The following SHANK2 variants were observed in gnomAD, a reference collection of about 807,000 sequenced individuals.
SHANK2 encodes SH3 and multiple ankyrin repeat domains protein 2.
In SHANK2, 43 loss-of-function variants were observed where a neutral mutation model predicts 133.7. The ratio of observed to expected loss-of-function variants is 0.32; its 90% CI spans 0.25 to 0.41. The LOEUF is 0.41. Among genes scored for constraint, SHANK2 ranks in the 10% least tolerant of loss-of-function variants. SHANK2 has a pLI of 1.00. For missense variants in SHANK2, 1,994 were observed against 2,235.8 expected (o/e 0.89, Z 2.18); for synonymous variants, 1,017 against 952.8 (o/e 1.07, Z -1.24).
intron 17 of SHANK2, among the ~76,000 whole-genome samples, chr11:70,649,593 A>G (rs1039743727): frequency 7.2e-5 from 11 of 152,034 alleles, no homozygotes; most frequent in Non-Finnish European, 1.5e-4. Flanking sequence ...ATCAGTACTA[A>G]CAAGAGCCTG....
Position 70,473,681 on chromosome 11 carries a change from AG to A in SHANK2, c.4980-243del. On this transcript the variant is annotated intron_variant, in intron 25 of 25. Coordinates refer to ENST00000601538, the MANE Select transcript of SHANK2 (RefSeq NM_012309.5). The surrounding 1 kb of genome is among the most constrained non-coding windows in gnomAD (Gnocchi z 5.9). ...AGCCCACTCACCTGAACTGGGACAG[AG>A]GGGCTGGGGGACCTGCCTGTGCTGG... The A allele has an allele frequency of 3.4e-6, 2 of 583,894 alleles. No homozygotes were observed. Among genetic ancestry groups the A allele is most frequent in the Non-Finnish European group, 6.3e-6 (2 of 315,236 alleles). 36.2% of individuals were successfully genotyped at this position (583,894 alleles called of 1,614,324 possible).
chr11:71,208,210 G>A (rs1237765970), intron 2 of SHANK2, among the ~76,000 whole-genome samples: 2 of 152,080 alleles, frequency 1.3e-5, no homozygotes, highest in Non-Finnish European at 2.9e-5. Context: ...TGCCCTGGAG[G>A]GGCATGAGCT....
chr11:70,636,307 ATG>A (rs1285153442), intron 17 of SHANK2, among the ~76,000 whole-genome samples: 1 of 151,880 alleles, frequency 6.6e-6, no homozygotes, highest in East Asian at 1.9e-4. Context: ...GTGTGAGCAG[ATG>A]TGTGAGCGTG....
chr11:70,742,653 G>T (rs567780281), intron 14 of SHANK2, among the ~76,000 whole-genome samples: 1 of 152,160 alleles, frequency 6.6e-6, no homozygotes, highest in East Asian at 1.9e-4. Flanking sequence ...GGCCCAGGAC[G>T]CGGAATGAAT....
At chr11:70,952,709 C>T in intron 10 of SHANK2, 2 of 405,338 alleles carry the variant, frequency 4.9e-6, no homozygotes, top group Non-Finnish European at 1.1e-5. Flanking sequence ...GGGCAGCACT[C>T]TGGGGGACGC....
chr11:71,108,652 T>C (rs1366504238), intron 6 of SHANK2, among the ~76,000 whole-genome samples: 1 of 152,202 alleles, frequency 6.6e-6, no homozygotes, highest in Non-Finnish European at 1.5e-5. Flanking sequence ...CTTCCCTGCC[T>C]CATGGAGGAT....
chr11:70,911,211 T>C (rs1480304470), intron 10 of SHANK2: 1 of 456,138 alleles, frequency 2.2e-6, no homozygotes, highest in Admixed American at 2.4e-5. Flanking sequence ...AGTTTTTTTG[T>C]TGTTGTTGTT....
At chr11:70,935,884 A>T (rs946488803) in intron 10 of SHANK2, among the ~76,000 whole-genome samples, 2 of 152,176 alleles carry the variant, frequency 1.3e-5, no homozygotes, top group Non-Finnish European at 2.9e-5. Flanking sequence ...GCAAAGGTGA[A>T]CCATTCCAGG....
chr11:70,647,970 C>A (rs145681280), intron 17 of SHANK2, among the ~76,000 whole-genome samples: 1 of 152,326 alleles, frequency 6.6e-6, no homozygotes, highest in African/African-American at 2.4e-5. Context: ...ACGTTTATGT[C>A]GACATTATTC....
chr11:70,839,073 C>T (rs1948865107), intron 11 of SHANK2, among the ~76,000 whole-genome samples: 1 of 152,246 alleles, frequency 6.6e-6, no homozygotes, highest in Non-Finnish European at 1.5e-5. Flanking sequence ...GTTAGTCTGA[C>T]ATGAGCTGCT....
At chr11:70,504,764 A>G (rs551725359) in intron 17 of SHANK2, among the ~76,000 whole-genome samples, 96 of 152,018 alleles carry the variant, frequency 6.3e-4, no homozygotes, top group Non-Finnish European at 1.2e-3. Context: ...TAGGAAGTAA[A>G]GGAGCCGGAT....
Position 70,760,060 on chromosome 11 carries a change from G to A in SHANK2, c.1777+38383C>T, listed in dbSNP as rs138052596. Among the ~76,000 whole-genome samples the A allele has an allele frequency of 1.8e-3, 280 of 152,290 alleles. 2 individuals are homozygous for A. Among genetic ancestry groups the A allele is most frequent in the Admixed American group, 0.013 (192 of 15,308 alleles). On this transcript the variant is annotated intron_variant, in intron 14 of 25. Transcript: ENST00000601538. ...GAGGCTGCTCACTGAGCGGCTTTAC[G>A]TTCCTGCTTCACCTTTTGACATACA...
intron 10 of SHANK2, among the ~76,000 whole-genome samples, chr11:70,925,015 T>A (rs1950407706): frequency 6.6e-6 from 1 of 152,072 alleles, no homozygotes; most frequent in South Asian, 2.1e-4. Flanking sequence ...CCAGCAGAGA[T>A]GCGCACTCTA....
chr11:70,504,526 T>G (rs2059109231), intron 17 of SHANK2, among the ~76,000 whole-genome samples: 1 of 152,190 alleles, frequency 6.6e-6, no homozygotes, highest in Non-Finnish European at 1.5e-5. Flanking sequence ...CTCATTCCCA[T>G]GTACTCAGAC....
intron 15 of SHANK2, among the ~76,000 whole-genome samples, chr11:70,691,804 G>A (rs1555021115): frequency 2.0e-5 from 3 of 152,168 alleles, no homozygotes. Context: ...TGAGGCAGGA[G>A]AATCACTTGA....
chr11:70,646,435 C>A (rs1480689560), intron 17 of SHANK2: 4 of 152,362 alleles, frequency 2.6e-5, no homozygotes, highest in African/African-American at 9.6e-5. Flanking sequence ...CTCCAAGGGC[C>A]ACCCTGCCAT....
In SHANK2 at chr11:70,472,895, C is replaced by A. The variant is rs1565516499; in HGVS notation, c.5524G>T (p.Ala1842Ser). The A allele has an allele frequency of 1.2e-6, 2 of 1,614,128 alleles. No individual in the cohort carries two copies. The highest frequency in any genetic ancestry group is 1.7e-6 in the Non-Finnish European group (2 of 1,180,052). ...TATCTGTCCAGCAGCTGTTTCAAAG[C>A]CCTTTCTATGTTCATTCTGTGCCCG... is the stretch of plus-strand genomic sequence containing the variant. ...RVGHRMNIER[A>S]LKQLLDR Residue 1842 changes from alanine to serine, a missense_variant, in exon 26 of 26, where the codon GCT becomes TCT. By Grantham distance (99) the Ala-to-Ser change is moderately conservative. This residue lies in a region of SHANK2 where 42 missense variants were observed against 79.9 expected (regional missense o/e 0.53). Transcript: ENST00000601538. This position sits in a 1 kb window ranked among gnomAD's most constrained non-coding sequence, Gnocchi z 4.4.
chr11:70,751,415 T>C (rs559282899), intron 14 of SHANK2, among the ~76,000 whole-genome samples: 1 of 152,300 alleles, frequency 6.6e-6, no homozygotes. Context: ...CTATACCCAG[T>C]GAAAATATCC....
intron 17 of SHANK2, among the ~76,000 whole-genome samples, chr11:70,616,809 T>A (rs1554996086): frequency 6.6e-6 from 1 of 151,864 alleles, no homozygotes; most frequent in East Asian, 1.9e-4. Flanking sequence ...TCCTGACCAG[T>A]CCCCAGGCGA....
Sources: gnomAD v4.1 joint callset for allele counts (sites outside exome capture counted in the v4.1 genomes callset) on GRCh38, gnomAD v4.1.1 for gene constraint, gnomAD v4.1.1 regional missense constraint, Gnocchi (gnomAD v3.1) non-coding constraint, MANE v1.5 for transcripts, NCBI Gene and HGNC (gene_info 2026-07-23, HGNC 2026-07-21) for gene names.